Variants in PPARD observed in about 807,000 individuals in gnomAD.
PPARD encodes the protein peroxisome proliferator activated receptor delta.
A neutral mutation model predicts 39.5 loss-of-function variants in PPARD; 6 were observed. The ratio of observed to expected loss-of-function variants is 0.15; its 90% CI spans 0.08 to 0.30. The LOEUF is 0.30. PPARD is among the 10% of genes least tolerant of loss of function. The pLI is 1.00. For synonymous variants in PPARD, 210 were observed against 231.3 expected, an observed-to-expected ratio of 0.91 and a Z score of 0.83; for missense variants, 397 against 596.8, an observed-to-expected ratio of 0.67 and a Z score of 3.49.
chr6:35,383,789 C>A lies in PPARD; in HGVS notation c.-101-27198C>A, dbSNP rs1167340124. Among the ~76,000 whole-genome samples, 11 of 145,236 alleles carry A rather than the reference C, an allele frequency of 7.6e-5. No individual in the cohort carries two copies. In the South Asian group the frequency reaches 2.2e-3, roughly 29 times the overall value. On this transcript the variant is annotated intron_variant, in intron 2 of 7. Transcript: ENST00000360694. ...TCTGAGAAGTGAGGAGACCCTCTGCCCGGCAACCACCCCGTCTGAGAAGTG... is the reference window on the plus strand; with the variant it reads ...TCTGAGAAGTGAGGAGACCCTCTGCACGGCAACCACCCCGTCTGAGAAGTG...
chr6:35,344,607 C>T (rs1427800742), intron 1 of PPARD, among the ~76,000 whole-genome samples: 2 of 152,108 alleles, frequency 1.3e-5, no homozygotes, highest in Non-Finnish European at 2.9e-5. Context: ...GAAAGCGTGA[C>T]CCACTCTCAT....
intron 2 of PPARD, among the ~76,000 whole-genome samples, chr6:35,386,634 G>A (rs750307657): frequency 6.6e-6 from 1 of 152,094 alleles, no homozygotes; most frequent in Non-Finnish European, 1.5e-5. Flanking sequence ...ACATAAAATA[G>A]GAAAATGATG....
intron 2 of PPARD, among the ~76,000 whole-genome samples, chr6:35,394,121 C>T (rs568039877): frequency 1.3e-5 from 2 of 152,360 alleles, no homozygotes; most frequent in East Asian, 3.9e-4. Context: ...CTCATTCTCC[C>T]TTCCCTCCTG....
rs1031275319 is a variant in PPARD at position 35,423,952 on chromosome 6, G to C, written c.431G>C (p.Arg144Pro). 1 of 1,613,970 alleles carries C rather than the reference G, an allele frequency of 6.2e-7. No individual in the cohort carries two copies. Among genetic ancestry groups the C allele is most frequent in the African/African-American group, 1.3e-5 (1 of 74,922 alleles). Residue 144 changes from arginine to proline, a missense_variant, in exon 6 of 8, where the codon CGT (arginine) becomes CCT (proline). Arg to Pro is a moderately radical substitution (Grantham distance 103, BLOSUM62 -2). Transcript: ENST00000360694. ...TGCCCCCTTCCCTGTGCAGCTATCCGTTTTGGTCGGATGCCGGAGGCTGAG... is the reference window on the plus strand; with the variant it reads ...TGCCCCCTTCCCTGTGCAGCTATCCCTTTTGGTCGGATGCCGGAGGCTGAG... The part of the protein sequence containing the change: ...LALGMSHNAI[R>P]FGRMPEAEKR...
intron 2 of PPARD, among the ~76,000 whole-genome samples, chr6:35,384,522 C>T (rs1376722488): frequency 1.2e-4 from 12 of 102,058 alleles, no homozygotes; most frequent in Non-Finnish European, 1.4e-4. Context: ...CCGCCCCGTC[C>T]GGGAGGTGAG....
chr6:35,422,819 T>C (rs1032291399), intron 5 of PPARD, among the ~76,000 whole-genome samples: 2 of 152,138 alleles, frequency 1.3e-5, no homozygotes, highest in African/African-American at 4.8e-5. Context: ...CCTACTCAAT[T>C]ACTAATGACA....
rs374598359 is a variant in PPARD, at chr6:35,354,164, G to A, written c.-102+7014G>A. Among the ~76,000 whole-genome samples, 30 of 149,450 alleles carry A rather than the reference G, an allele frequency of 2.0e-4. No homozygotes were observed. The East Asian group carries it at 4.0e-3, about 20-fold the overall frequency. ...GGAGAATGGCATGAACCCGGGAGGCGGAGCTTGCAGTGAGCCGAGTGCATG... is the reference window on the plus strand; with the variant it reads ...GGAGAATGGCATGAACCCGGGAGGCAGAGCTTGCAGTGAGCCGAGTGCATG... On this transcript the variant is annotated intron_variant, in intron 2 of 7. Coordinates refer to ENST00000360694, the MANE Select transcript of PPARD (RefSeq NM_006238.5).
rs140075999 is a variant in PPARD at position 35,347,783 on chromosome 6, A to G, written c.-102+633A>G. Reference sequence around the variant, plus strand: ...GCCACCACGCCCGGCTAATTTTTGTATTTTTAGTAGAGATGGGGTTTCACC... The same window carrying G: ...GCCACCACGCCCGGCTAATTTTTGTGTTTTTAGTAGAGATGGGGTTTCACC... On this transcript the variant is annotated intron_variant, in intron 2 of 7. Transcript: ENST00000360694. Among the ~76,000 whole-genome samples, 98 of 151,162 alleles carry G rather than the reference A, an allele frequency of 6.5e-4. No individual in the cohort carries two copies. The East Asian group carries it at 0.015, about 23-fold the overall frequency.
At chr6:35,379,182 C>G (rs1439753903) in intron 2 of PPARD, among the ~76,000 whole-genome samples, 1 of 151,642 alleles carries the variant, frequency 6.6e-6, no homozygotes, top group African/African-American at 2.4e-5. Context: ...CTGCTCACTG[C>G]AACCTACGCC....
chr6:35,360,225 C>A (rs1761856317), intron 2 of PPARD, among the ~76,000 whole-genome samples: 1 of 151,948 alleles, frequency 6.6e-6, no homozygotes, highest in South Asian at 2.1e-4. Flanking sequence ...GTGGGCCCGG[C>A]CTGTAGGGTG....
intron 2 of PPARD, among the ~76,000 whole-genome samples, chr6:35,356,564 C>G (rs1761624807): frequency 6.6e-6 from 1 of 152,222 alleles, no homozygotes; most frequent in South Asian, 2.1e-4. Flanking sequence ...TGTAGGATTT[C>G]TCAGCCCTAG....
Position 35,424,958 on chromosome 6 carries a change from A to G in PPARD, c.1078+179A>G. The G allele has an allele frequency of 1.4e-6, 2 of 1,431,958 alleles. No homozygotes were observed. Among genetic ancestry groups the G allele is most frequent in the Non-Finnish European group, 1.8e-6 (2 of 1,097,444 alleles). The allele number at this position is 1,431,958 out of a possible 1,614,324, so 88.7% of individuals were successfully genotyped here. ...CAGGATCAGCTCCATCTCATTATGT[A>G]CGTAGATAGAGGTGGAGACAGGAAA... On this transcript the variant is annotated intron_variant, in intron 7 of 7. Coordinates refer to ENST00000360694, the MANE Select transcript of PPARD (RefSeq NM_006238.5). This position sits in a 1 kb window ranked among gnomAD's most constrained non-coding sequence, Gnocchi z 7.1.
chr6:35,354,178 G>T (rs1368055476), intron 2 of PPARD, among the ~76,000 whole-genome samples: 1 of 139,158 alleles, frequency 7.2e-6, no homozygotes, highest in Non-Finnish European at 1.5e-5. Flanking sequence ...CTTGCAGTGA[G>T]CCGAGTGCAT....
chr6:35,358,115 T>G (rs1319123958), intron 2 of PPARD, among the ~76,000 whole-genome samples: 1 of 152,206 alleles, frequency 6.6e-6, no homozygotes, highest in African/African-American at 2.4e-5. Context: ...TATCCTAGAT[T>G]ATCTGGGTGG....
chr6:35,393,431 C>T (rs1307780849), intron 2 of PPARD, among the ~76,000 whole-genome samples: 1 of 152,146 alleles, frequency 6.6e-6, no homozygotes, highest in Non-Finnish European at 1.5e-5. Context: ...CATGACCTGG[C>T]GTGTGAGACC....
At chr6:35,420,369 T>C in intron 4 of PPARD, 88 bp downstream of exon 4, 2 of 1,473,716 alleles carry the variant, frequency 1.4e-6, no homozygotes, top group Non-Finnish European at 1.8e-6. Context: ...TGCCTTGGGG[T>C]GGGGCCCTGA....
intron 3 of PPARD, among the ~76,000 whole-genome samples, chr6:35,413,746 C>T (rs1181628998): frequency 1.3e-5 from 2 of 151,170 alleles, no homozygotes; most frequent in Admixed American, 6.6e-5. Context: ...CAGTGGCACA[C>T]GATCTCAACT....
intron 2 of PPARD, among the ~76,000 whole-genome samples, chr6:35,383,704 A>G (rs1383466121): frequency 8.2e-5 from 9 of 109,420 alleles, no homozygotes; most frequent in Non-Finnish European, 1.2e-4. Flanking sequence ...TGTGAGGAGC[A>G]CCTCTGCCCG....
rs942964699 is a variant in PPARD at position 35,354,304 on chromosome 6, C to CTT, written c.-102+7169_-102+7170dup. Among the ~76,000 whole-genome samples the CTT allele has an allele frequency of 8.7e-5, 11 of 125,810 alleles. No homozygotes were observed. In the East Asian group the frequency reaches 1.0e-3, roughly 12 times the overall value. The allele number at this position is 125,810 out of a possible 152,430, so 82.5% of individuals were successfully genotyped here. On this transcript the variant is annotated intron_variant, in intron 2 of 7. Coordinates refer to ENST00000360694, the MANE Select transcript of PPARD (RefSeq NM_006238.5). ...ATCCTTTAGTACTCATACAACCATT[C>CTT]TTTTTTTTTTTTTTTTGAGATGGCG... is the stretch of plus-strand genomic sequence containing the variant.
Sources: allele counts gnomAD v4.1 joint callset (sites outside exome capture counted in the v4.1 genomes callset), GRCh38; gene constraint gnomAD v4.1.1; non-coding constraint Gnocchi (gnomAD v3.1); transcripts MANE v1.5; gene names NCBI Gene and HGNC (gene_info 2026-07-23, HGNC 2026-07-21).